The following CTDP1 variants were observed in gnomAD, a reference collection of about 807,000 sequenced individuals.
CTDP1 encodes the protein CTD phosphatase 1.
CTDP1 carries 47 observed loss-of-function variants against 91.8 expected under a neutral mutation model. The ratio of observed to expected loss-of-function variants is 0.51; its 90% confidence interval spans 0.41 to 0.65. The LOEUF (loss-of-function observed/expected upper bound fraction) is 0.65. CTDP1 is among the 30% of genes least tolerant of loss of function. The pLI is 0.00. For synonymous variants in CTDP1, 656 were observed against 598.5 expected (o/e 1.10, Z -1.40); for missense variants, 1,272 against 1,373.7 (o/e 0.93, Z 1.17).
At chr18:79,721,341 C>T (rs1023714746) in intron 10 of CTDP1, among the ~76,000 whole-genome samples, 7 of 152,140 alleles carry the variant, frequency 4.6e-5, no homozygotes, top group African/African-American at 7.2e-5. Flanking sequence ...GGAACCTGGC[C>T]TATGGGATTG....
At chr18:79,751,231 G>C (rs1158832150) in intron 12 of CTDP1, among the ~76,000 whole-genome samples, 2 of 118,364 alleles carry the variant, frequency 1.7e-5, no homozygotes, top group South Asian at 3.3e-4. Context: ...GGGGCTGGGC[G>C]CAGAGGACAG....
At chr18:79,715,653 T>A in intron 8 of CTDP1, 125 bp downstream of exon 8, 2 of 1,080,136 alleles carry the variant, frequency 1.9e-6, no homozygotes, top group Non-Finnish European at 2.6e-6. Flanking sequence ...AGAATCACCA[T>A]CTTTTAAGAA....
chr18:79,728,859 C>T, intron 10 of CTDP1, 48 bp from the exon 11 acceptor site: 1 of 1,604,116 alleles, frequency 6.2e-7, no homozygotes, highest in Non-Finnish European at 8.5e-7. Context: ...CGGAAAAGTG[C>T]CATTCGAACT....
upstream of CTDP1, chr18:79,679,342 C>A (rs1245267280): frequency 9.0e-6 from 4 of 445,818 alleles, no homozygotes; most frequent in African/African-American, 6.0e-5. Context: ...TCTCTGGGCC[C>A]GCGGCGCGCA....
Position 79,712,250 on chromosome 18 carries a change from C to T in CTDP1, c.864-722C>T, listed in dbSNP as rs547494630. Among the ~76,000 whole-genome samples the T allele has an allele frequency of 3.3e-5, 5 of 152,098 alleles. No homozygotes were observed. In the South Asian group the frequency reaches 8.3e-4, roughly 25 times the overall value. On this transcript the variant is annotated intron_variant, in intron 6 of 12. Transcript: ENST00000613122. ...GTTTGCATGGAGGTAGCTGGAGGTC[C>T]GCTTAGAAATTCTGCATCAGCACTG...
At position 79,717,957 on chromosome 18, in the gene CTDP1, C is replaced by T. The variant is rs1328444761; in HGVS notation, c.2358C>T (p.Ala786=). The T allele has an allele frequency of 1.2e-6, 2 of 1,613,522 alleles. No individual in the cohort carries two copies. Among genetic ancestry groups the T allele is most frequent in the Non-Finnish European group, 1.7e-6 (2 of 1,179,994 alleles). Residue 786 remains alanine (A), a synonymous_variant, in exon 10 of 13, where the codon GCC becomes GCT. Transcript: ENST00000613122. ...SNTGKLIRTG[A]RGPPAPSSSL... ...CGGGGAAGCTCATCAGGACGGGCGC[C>T]CGGGGGCCCCCAGCACCCTCCAGCT...
chr18:79,747,803 C>T, intron 12 of CTDP1, among the ~76,000 whole-genome samples: 1 of 152,180 alleles, frequency 6.6e-6, no homozygotes, highest in East Asian at 1.9e-4. Context: ...CGCGGCCACG[C>T]TGGCAGTGGC....
At chr18:79,690,080 A>G (rs2085588305) in intron 1 of CTDP1, among the ~76,000 whole-genome samples, 2 of 151,416 alleles carry the variant, frequency 1.3e-5, no homozygotes, top group Non-Finnish European at 2.9e-5. Flanking sequence ...CAAAAAATAC[A>G]CTCTTCCCTC....
chr18:79,690,890 G>A (rs924885171), intron 1 of CTDP1, among the ~76,000 whole-genome samples: 2 of 152,324 alleles, frequency 1.3e-5, no homozygotes, highest in African/African-American at 2.4e-5. Flanking sequence ...TGACTCCGAC[G>A]TGGCCAGTAT....
rs559258828 is a variant in CTDP1, at chr18:79,736,013, T to A, written c.2581-342T>A. The A allele has an allele frequency of 1.0e-3, 308 of 298,792 alleles. 1 individual carries two copies. Among genetic ancestry groups the A allele is most frequent in the African/African-American group, 5.9e-3 (278 of 46,848 alleles). The allele number at this position is 298,792 out of a possible 1,614,324, so 18.5% of individuals were successfully genotyped here. ...TCAGGAGTCTTGCTGTGAATCTCAT[T>A]GATCTTGAAAATTTCAAGCAAATAT... On this transcript the variant is annotated intron_variant, in intron 11 of 12. Coordinates refer to ENST00000613122, the MANE Select transcript of CTDP1 (RefSeq NM_004715.5).
intron 11 of CTDP1, among the ~76,000 whole-genome samples, chr18:79,733,477 A>G (rs1235816529): frequency 6.6e-6 from 1 of 152,136 alleles, no homozygotes. Context: ...CCCCTGCGGA[A>G]AAGCCTGCTG....
chr18:79,747,840 TTCCATCCCCTTTG>T (rs974189648), intron 12 of CTDP1, among the ~76,000 whole-genome samples: 1 of 152,168 alleles, frequency 6.6e-6, no homozygotes, highest in Non-Finnish European at 1.5e-5. Context: ...CTGTGGATTG[TTCCATCCCCTTTG>T]GATTAGATGC....
chr18:79,700,836 T>A (rs982270238), intron 4 of CTDP1, among the ~76,000 whole-genome samples: 1 of 152,196 alleles, frequency 6.6e-6, no homozygotes, highest in Non-Finnish European at 1.5e-5. Flanking sequence ...GACTCTCTCG[T>A]TGGAGACTAA....
At chr18:79,681,911 A>G (rs1418037745) in intron 1 of CTDP1, among the ~76,000 whole-genome samples, 1 of 152,070 alleles carries the variant, frequency 6.6e-6, no homozygotes, top group Admixed American at 6.5e-5. Context: ...GTTTGTGTAC[A>G]TGGGTTTTAT....
chr18:79,727,243 A>G (rs1322109272), intron 10 of CTDP1, among the ~76,000 whole-genome samples: 4 of 152,224 alleles, frequency 2.6e-5, no homozygotes, highest in East Asian at 3.8e-4. Flanking sequence ...ATAACAGTGC[A>G]GTTGGCCCTT....
At chr18:79,741,963 G>A (rs1478310985) in intron 12 of CTDP1, among the ~76,000 whole-genome samples, 1 of 152,184 alleles carries the variant, frequency 6.6e-6, no homozygotes, top group Non-Finnish European at 1.5e-5. Flanking sequence ...CATCCCAGAA[G>A]CACAACAAAC....
At chr18:79,735,380 G>A (rs374536152) in intron 11 of CTDP1, among the ~76,000 whole-genome samples, 43 of 152,350 alleles carry the variant, frequency 2.8e-4, no homozygotes, top group East Asian at 9.6e-4. Flanking sequence ...CTGTGCCGTC[G>A]CACACAGACG....
intron 2 of CTDP1, 88 bp from the exon 3 acceptor site, chr18:79,695,886 ACAT>A (rs1227666021): frequency 5.8e-6 from 6 of 1,032,386 alleles, no homozygotes; most frequent in Non-Finnish European, 9.0e-6. Context: ...GTCCGTTAAA[ACAT>A]CAGCTAGAAT....
chr18:79,680,039 G>A lies in CTDP1; in HGVS notation c.92G>A (p.Arg31His), dbSNP rs2085324183. 8.0e-7 allele frequency: 1 copy of A among 1,257,566 alleles called. No individual in the cohort carries two copies. Among genetic ancestry groups the A allele is most frequent in the South Asian group, 2.8e-5 (1 of 35,540 alleles). The allele number at this position is 1,257,566 out of a possible 1,614,324, so 77.9% of individuals were successfully genotyped here. The change falls in exon 1 of 13, where the codon CGC becomes CAC. Residue 31 changes from arginine to histidine, a missense_variant. By Grantham distance (29) the Arg-to-His change is conservative. Transcript: ENST00000613122. ...EVRCPGPAPL[R>H]LLEWRVAAGA... is the part of the protein sequence containing the mutation. The stretch of plus-strand genomic sequence containing the variant: ...CGCTGCCCGGGGCCCGCGCCGCTGC[G>A]CCTGCTGGAGTGGAGGGTGGCGGCG...
Sources: allele counts gnomAD v4.1 joint callset (sites outside exome capture counted in the v4.1 genomes callset), GRCh38; gene constraint gnomAD v4.1.1; transcripts MANE v1.5; gene names NCBI Gene and HGNC (gene_info 2026-07-23, HGNC 2026-07-21).